The following TMC2 variants were observed in gnomAD, a reference collection of about 807,000 sequenced individuals.
TMC2 encodes the protein transmembrane channel like 2.
In TMC2, 102 loss-of-function variants were observed where a neutral mutation model predicts 105.9. That is an observed-to-expected ratio of 0.96 (90% CI 0.82 to 1.14). The LOEUF is 1.14. Ranked by LOEUF, TMC2 falls within the 50% of genes most tolerant of loss-of-function variation. The pLI is 0.00. For synonymous variants in TMC2, 402 were observed against 422.8 expected (o/e 0.95, Z 0.60); for missense variants, 1,093 against 1,134.3 (o/e 0.96, Z 0.52).
intron 4 of TMC2, among the ~76,000 whole-genome samples, chr20:2,563,221 C>A (rs2086040206): frequency 6.6e-6 from 1 of 152,078 alleles, no homozygotes; most frequent in Admixed American, 6.5e-5. Flanking sequence ...CAGTATTTAC[C>A]CCAACAGGCA....
chr20:2,548,488 A>G (rs572654789), intron 2 of TMC2, among the ~76,000 whole-genome samples: 70 of 152,150 alleles, frequency 4.6e-4, no homozygotes, highest in Non-Finnish European at 8.5e-4. Flanking sequence ...AAAATAGAAA[A>G]TTAGCTGGGT....
intron 17 of TMC2, among the ~76,000 whole-genome samples, chr20:2,635,179 A>T (rs1298898267): frequency 2.6e-5 from 4 of 152,184 alleles, no homozygotes; most frequent in Non-Finnish European, 5.9e-5. Flanking sequence ...GACCTGTGAA[A>T]AGAAAGCCTG....
At chr20:2,612,045 GAAGGGAATTT>G in intron 12 of TMC2, 136 bp from the exon 13 acceptor site, 1 of 714,144 alleles carries the variant, frequency 1.4e-6, no homozygotes, top group Non-Finnish European at 2.2e-6. Flanking sequence ...GAAAGCCTGA[GAAGGGAATTT>G]TGGAAGGACT....
At chr20:2,591,755 G>A (rs1290429072) in intron 7 of TMC2, among the ~76,000 whole-genome samples, 1 of 151,700 alleles carries the variant, frequency 6.6e-6, no homozygotes, top group Non-Finnish European at 1.5e-5. Flanking sequence ...GAAAAGAAAA[G>A]AAAAGGAAAG....
chr20:2,611,765 T>G (rs2146238239), intron 12 of TMC2, among the ~76,000 whole-genome samples: 1 of 152,082 alleles, frequency 6.6e-6, no homozygotes, highest in African/African-American at 2.4e-5. Context: ...AATAAATTAT[T>G]TTCAAGAGAA....
intron 16 of TMC2, among the ~76,000 whole-genome samples, chr20:2,621,515 A>C (rs1003893792): frequency 1.3e-5 from 2 of 151,174 alleles, no homozygotes; most frequent in Non-Finnish European, 2.9e-5. Flanking sequence ...CTAAAAATAC[A>C]AAAACTAGCC....
intron 11 of TMC2, among the ~76,000 whole-genome samples, chr20:2,608,924 A>G (rs2086414267): frequency 6.6e-6 from 1 of 152,226 alleles, no homozygotes; most frequent in Non-Finnish European, 1.5e-5. Context: ...AGAATTTGGC[A>G]CAGTGACTCA....
At chr20:2,589,800 G>C (rs1431647437) in intron 7 of TMC2, among the ~76,000 whole-genome samples, 2 of 152,244 alleles carry the variant, frequency 1.3e-5, no homozygotes, top group East Asian at 1.9e-4. Context: ...CTCCCAAGTA[G>C]CTGGGACTAC....
At chr20:2,603,051 C>A (rs767604434) in intron 11 of TMC2, among the ~76,000 whole-genome samples, 21 of 152,070 alleles carry the variant, frequency 1.4e-4, no homozygotes, top group Admixed American at 3.3e-4. Context: ...TTTTGGGAAC[C>A]CTGAGACCTT....
chr20:2,537,172 C>A, intron 1 of TMC2, 97 bp from the exon 2 acceptor site: 2 of 1,113,632 alleles, frequency 1.8e-6, no homozygotes, highest in Non-Finnish European at 2.7e-6. Flanking sequence ...TTTGAGGCAG[C>A]CACAAATCAG....
intron 7 of TMC2, among the ~76,000 whole-genome samples, chr20:2,591,454 C>T (rs1429728048): frequency 6.6e-6 from 1 of 152,050 alleles, no homozygotes; most frequent in Non-Finnish European, 1.5e-5. Flanking sequence ...CCTGTAATCC[C>T]AGCACTTTGG....
intron 2 of TMC2, among the ~76,000 whole-genome samples, chr20:2,550,955 G>C (rs554283138): frequency 3.0e-4 from 45 of 152,264 alleles, no homozygotes; most frequent in African/African-American, 1.0e-3. Flanking sequence ...TTGTGTGCAG[G>C]CTTTTGTTTT....
At chr20:2,621,322 A>G (rs143300676) in intron 16 of TMC2, among the ~76,000 whole-genome samples, 308 of 150,986 alleles carry the variant, frequency 2.0e-3, no homozygotes, top group Non-Finnish European at 3.6e-3. Flanking sequence ...AGATCATGCC[A>G]CTACACTCCA....
chr20:2,638,862 G>A (rs1161167454), intron 19 of TMC2, among the ~76,000 whole-genome samples: 1 of 152,038 alleles, frequency 6.6e-6, no homozygotes, highest in African/African-American at 2.4e-5. Flanking sequence ...AAGTAGAAAA[G>A]TTACAATAAG....
chr20:2,637,387 C>CGAAAAAA lies in TMC2; in HGVS notation c.2386-87_2386-86insGAAAAAA. ...TGGGCAACAGAGTGAGACTCTGTCTCAAAAAAAAAAAAAATCACTCTCAAC... is the reference window on the plus strand; with the variant it reads ...TGGGCAACAGAGTGAGACTCTGTCTCGAAAAAAAAAAAAAAAAAAAATCACTCTCAAC... On this transcript the variant is annotated intron_variant, in intron 18 of 19. Transcript: ENST00000358864. 6.4e-6 allele frequency: 4 copies of CGAAAAAA among 623,340 alleles called. No individual in the cohort carries two copies. The South Asian group carries it at 7.9e-5, about 12-fold the overall frequency. 38.6% of individuals were successfully genotyped at this position (623,340 alleles called of 1,614,324 possible).
At chr20:2,567,677 A>T (rs932877953) in intron 4 of TMC2, among the ~76,000 whole-genome samples, 4 of 152,170 alleles carry the variant, frequency 2.6e-5, no homozygotes, top group Admixed American at 2.6e-4. Context: ...GATCACAGAC[A>T]TGAGCCACAC....
Position 2,558,451 on chromosome 20 carries a change from G to A in TMC2, c.83-5G>A, listed in dbSNP as rs1053424521. The A allele has an allele frequency of 7.7e-6, 12 of 1,554,038 alleles. No individual in the cohort carries two copies. Among genetic ancestry groups the A allele is most frequent in the Non-Finnish European group, 9.6e-6 (11 of 1,148,736 alleles). ...CCAGAACTGTCCATTTTCCCGCCCCGGCAGGTGACAGGCTGGGAAGGAGAT... is the reference window on the plus strand; with the variant it reads ...CCAGAACTGTCCATTTTCCCGCCCCAGCAGGTGACAGGCTGGGAAGGAGAT... On this transcript the variant is annotated splice_region_variant and splice_polypyrimidine_tract_variant and intron_variant, in intron 2 of 19. Coordinates refer to ENST00000358864, the MANE Select transcript of TMC2 (RefSeq NM_080751.3). This position sits in a 1 kb window ranked among gnomAD's most constrained non-coding sequence, Gnocchi z 4.6.
chr20:2,622,819 G>A (rs567970858), intron 16 of TMC2, among the ~76,000 whole-genome samples: 3 of 152,136 alleles, frequency 2.0e-5, no homozygotes, highest in South Asian at 2.1e-4. Context: ...TTTGAAGGGC[G>A]CTTATAACTT....
intron 2 of TMC2, among the ~76,000 whole-genome samples, chr20:2,549,525 T>C (rs957374259): frequency 1.2e-4 from 18 of 152,096 alleles, no homozygotes; most frequent in Non-Finnish European, 2.4e-4. Flanking sequence ...GGCGGATCAC[T>C]TGAGGTCAGG....
Sources: allele counts gnomAD v4.1 joint callset (sites outside exome capture counted in the v4.1 genomes callset), GRCh38; gene constraint gnomAD v4.1.1; non-coding constraint Gnocchi (gnomAD v3.1); transcripts MANE v1.5; gene names NCBI Gene and HGNC (gene_info 2026-07-23, HGNC 2026-07-21).